RORA: variants seen among roughly 807,000 people sequenced by gnomAD.
RORA encodes nuclear receptor ROR-alpha.
In RORA, 7 loss-of-function variants were observed where a neutral mutation model predicts 69.5. The observed-to-expected ratio is 0.10, with a 90% confidence interval of 0.06 to 0.19. The LOEUF is 0.19. Ranked by LOEUF, RORA falls within the 10% of genes least tolerant of loss-of-function variation. The probability of loss-of-function intolerance (pLI) is 1.00; values close to 1 mark genes in which losing one functional copy is unlikely to be tolerated. For synonymous variants in RORA, 261 were observed against 240.8 expected, an observed-to-expected ratio of 1.08 and a Z score of -0.78; for missense variants, 457 against 663.0, an observed-to-expected ratio of 0.69 and a Z score of 3.41.
At chr15:60,690,737 T>A (rs1485321189) in intron 1 of RORA, among the ~76,000 whole-genome samples, 1 of 152,142 alleles carries the variant, frequency 6.6e-6, no homozygotes, top group African/African-American at 2.4e-5. Flanking sequence ...TAGGCAACTG[T>A]TTTCAAGTCA....
intron 1 of RORA, among the ~76,000 whole-genome samples, chr15:60,856,262 C>T (rs954886226): frequency 1.1e-4 from 17 of 152,194 alleles, no homozygotes; most frequent in Admixed American, 3.3e-4. Flanking sequence ...TGGCATAGAA[C>T]GTTTTGCTTC....
At chr15:61,098,095 TCCTCCTTCCCTCCCTC>T (rs2078818475) in intron 1 of RORA, among the ~76,000 whole-genome samples, 1 of 135,674 alleles carries the variant, frequency 7.4e-6, no homozygotes, top group African/African-American at 2.8e-5. Context: ...TCCCCCTCCT[TCCTCCTTCCCTCCCTC>T]CCTCCTTCCT....
intron 3 of RORA, among the ~76,000 whole-genome samples, chr15:60,522,495 C>T (rs574449427): frequency 6.6e-6 from 1 of 151,732 alleles, no homozygotes; most frequent in Non-Finnish European, 1.5e-5. Flanking sequence ...AGGTGATGGC[C>T]CAATGCAGTG....
chr15:61,101,595 C>T (rs768733624), intron 1 of RORA, among the ~76,000 whole-genome samples: 1 of 152,030 alleles, frequency 6.6e-6, no homozygotes, highest in African/African-American at 2.4e-5. Flanking sequence ...CTCTGAGTAT[C>T]CTTCCTTTAA....
intron 1 of RORA, among the ~76,000 whole-genome samples, chr15:61,119,229 C>T (rs2079079759): frequency 6.6e-6 from 1 of 151,868 alleles, no homozygotes; most frequent in Non-Finnish European, 1.5e-5. Context: ...GGCAGGGTCT[C>T]GCTTTGTCAC....
intron 1 of RORA, among the ~76,000 whole-genome samples, chr15:61,199,421 T>C (rs1169975668): frequency 6.6e-6 from 1 of 152,022 alleles, no homozygotes; most frequent in East Asian, 1.9e-4. Flanking sequence ...AGATAAATAT[T>C]CTCTGTATCC....
chr15:60,830,311 A>T (rs2073024596), intron 1 of RORA, among the ~76,000 whole-genome samples: 1 of 152,268 alleles, frequency 6.6e-6, no homozygotes, highest in Non-Finnish European at 1.5e-5. Flanking sequence ...AACTCTGTTA[A>T]CATTTTGGAT....
At chr15:60,786,142 T>C (rs1377115850) in intron 1 of RORA, among the ~76,000 whole-genome samples, 2 of 152,204 alleles carry the variant, frequency 1.3e-5, no homozygotes, top group Admixed American at 1.3e-4. Context: ...ATGTCATGTT[T>C]ATACATACAC....
intron 3 of RORA, among the ~76,000 whole-genome samples, chr15:60,518,094 G>T (rs1266846403): frequency 6.6e-6 from 1 of 152,116 alleles, no homozygotes; most frequent in African/African-American, 2.4e-5. Context: ...GAACTCCTGG[G>T]CTCAAGCGGT....
At chr15:61,140,941 T>C (rs2079291963) in intron 1 of RORA, among the ~76,000 whole-genome samples, 1 of 152,184 alleles carries the variant, frequency 6.6e-6, no homozygotes. Flanking sequence ...GTTGAAAACC[T>C]TGACAAGCAG....
chr15:60,671,680 C>T (rs1020460599), intron 2 of RORA, among the ~76,000 whole-genome samples: 5 of 151,804 alleles, frequency 3.3e-5, no homozygotes, highest in Non-Finnish European at 4.4e-5. Context: ...GGCGTGATCT[C>T]GGCTCACTGC....
intron 2 of RORA, among the ~76,000 whole-genome samples, chr15:60,666,166 A>ATT (rs142176178): frequency 7.4e-5 from 10 of 135,578 alleles, no homozygotes; most frequent in African/African-American, 2.2e-4. Flanking sequence ...TACAAAGATA[A>ATT]TTTTTTTTTT....
At chr15:60,825,254 A>C (rs1336853276) in intron 1 of RORA, among the ~76,000 whole-genome samples, 1 of 152,204 alleles carries the variant, frequency 6.6e-6, no homozygotes, top group Non-Finnish European at 1.5e-5. Flanking sequence ...CACACCTCAG[A>C]GCACATGCTA....
At chr15:60,501,610 T>C (rs966777922) in intron 8 of RORA, among the ~76,000 whole-genome samples, 1 of 152,232 alleles carries the variant, frequency 6.6e-6, no homozygotes, top group Admixed American at 6.5e-5. Context: ...AGCCATATTC[T>C]AACTGATATG....
At chr15:60,841,081 T>TGA (rs1486309958) in intron 1 of RORA, 2 of 985,056 alleles carry the variant, frequency 2.0e-6, no homozygotes, top group East Asian at 2.3e-4. Context: ...AAATGTTGAC[T>TGA]GACTCCCCGT....
intron 1 of RORA, among the ~76,000 whole-genome samples, chr15:60,876,520 A>AT (rs1170115799): frequency 6.6e-6 from 1 of 152,204 alleles, no homozygotes; most frequent in East Asian, 1.9e-4. Context: ...ACCTTCACAC[A>AT]TTTTTTTAAA....
chr15:61,086,224 C>T (rs533780698), intron 1 of RORA, among the ~76,000 whole-genome samples: 326 of 152,316 alleles, frequency 2.1e-3, no homozygotes, highest in Middle Eastern at 6.8e-3. Flanking sequence ...TTCCTGCATA[C>T]GTCCATGATC....
chr15:60,982,061 G>T (rs1010608088), intron 1 of RORA, among the ~76,000 whole-genome samples: 3 of 152,170 alleles, frequency 2.0e-5, no homozygotes, highest in African/African-American at 7.2e-5. Flanking sequence ...TGCTTAGTTA[G>T]CTTAGTGGCC....
At chr15:61,113,782 A>C (rs2079027771) in intron 1 of RORA, among the ~76,000 whole-genome samples, 1 of 152,180 alleles carries the variant, frequency 6.6e-6, no homozygotes, top group African/African-American at 2.4e-5. Context: ...TGGTCTGCTT[A>C]CCAGTTTGTG....
Sources: allele counts gnomAD v4.1 joint callset (sites outside exome capture counted in the v4.1 genomes callset), GRCh38; gene constraint gnomAD v4.1.1; transcripts MANE v1.5; gene names NCBI Gene and HGNC (gene_info 2026-07-23, HGNC 2026-07-21).